Variants in DPH6 observed in about 807,000 individuals in gnomAD.
DPH6 encodes the protein diphthine--ammonia ligase.
DPH6 carries 33 observed loss-of-function variants against 38.2 expected under a neutral mutation model. That is an observed-to-expected ratio of 0.86 (90% CI 0.65 to 1.15). The LOEUF is 1.15. DPH6 is among the 50% of genes most tolerant of loss of function. The pLI is 0.00. For missense variants in DPH6, 325 were observed against 320.0 expected, an observed-to-expected ratio of 1.02 and a Z score of -0.12; for synonymous variants, 108 against 103.0, an observed-to-expected ratio of 1.05 and a Z score of -0.30.
chr15:35,436,552 C>T (rs1200183442), intron 5 of DPH6, among the ~76,000 whole-genome samples: 1 of 149,264 alleles, frequency 6.7e-6, no homozygotes, highest in Non-Finnish European at 1.5e-5. Flanking sequence ...TGCACTCCAG[C>T]CTGGGTGACA....
At chr15:35,327,879 A>T (rs1156639582), downstream of DPH6, among the ~76,000 whole-genome samples, 1 of 152,174 alleles carries the variant, frequency 6.6e-6, no homozygotes, top group East Asian at 1.9e-4. Context: ...CTACCTCACC[A>T]TATCAAAACT....
intron 6 of DPH6, among the ~76,000 whole-genome samples, chr15:35,388,688 T>C (rs1342379503): frequency 1.3e-5 from 2 of 152,200 alleles, no homozygotes; most frequent in Admixed American, 6.5e-5. Flanking sequence ...GGTGGTGATA[T>C]CCCCTTTGTC....
At chr15:35,178,902 G>T in the DPH6 span, among the ~76,000 whole-genome samples, 2 of 151,900 alleles carry the variant, frequency 1.3e-5, no homozygotes, top group Non-Finnish European at 2.9e-5. Flanking sequence ...TACCCAATAA[G>T]TGCTCAATAA....
intron 3 of DPH6, among the ~76,000 whole-genome samples, chr15:35,227,022 G>C (rs117769200): frequency 1.8e-4 from 28 of 152,048 alleles, no homozygotes; most frequent in Non-Finnish European, 3.7e-4. Flanking sequence ...GGTCTGCTCA[G>C]GTTTTGGATT....
intron 3 of DPH6, among the ~76,000 whole-genome samples, chr15:35,284,939 A>G (rs1242551224): frequency 6.6e-6 from 1 of 150,964 alleles, no homozygotes; most frequent in African/African-American, 2.4e-5. Flanking sequence ...CAGCCTTCCA[A>G]GTAGCTAGGA....
the DPH6 span, among the ~76,000 whole-genome samples, chr15:35,161,725 T>C: frequency 1.9e-3 from 286 of 151,994 alleles, no homozygotes; most frequent in Non-Finnish European, 3.6e-3. Context: ...ATTCTCACTC[T>C]TTCTCTCTCT....
In DPH6 at chr15:35,538,146, A is replaced by G. The variant is rs554342462; in HGVS notation, c.312+128T>C. ...GCAGTTTTTTTCTAACCAAAAAAAG[A>G]CAAAATCCTTTTAAAGAATAGTTGG... On this transcript the variant is annotated intron_variant, in intron 3 of 8. Coordinates refer to ENST00000256538, the MANE Select transcript of DPH6 (RefSeq NM_080650.4). The G allele has an allele frequency of 3.7e-6, 3 of 813,416 alleles. No individual in the cohort carries two copies. The East Asian group carries it at 8.6e-5, about 23-fold the overall frequency. The allele number at this position is 813,416 out of a possible 1,614,324, so 50.4% of individuals were successfully genotyped here. A position where few individuals can be genotyped will look rare whatever the true frequency, so the allele number is the denominator to read the frequency against.
chr15:35,471,350 C>T (rs1314372067), intron 3 of DPH6, among the ~76,000 whole-genome samples: 4 of 152,126 alleles, frequency 2.6e-5, no homozygotes, highest in Admixed American at 2.6e-4. Context: ...TACTAAAAAT[C>T]AAGCATTTTC....
the DPH6 span, among the ~76,000 whole-genome samples, chr15:35,163,077 G>A: frequency 4.6e-5 from 7 of 151,866 alleles, no homozygotes; most frequent in African/African-American, 1.5e-4. Flanking sequence ...GATCCTCGGT[G>A]AGCAGAAAGG....
chr15:35,305,335 G>C (rs535889512), intron 3 of DPH6, among the ~76,000 whole-genome samples: 1 of 150,824 alleles, frequency 6.6e-6, no homozygotes, highest in Non-Finnish European at 1.5e-5. Flanking sequence ...AATGACTAAG[G>C]TCTTAAAGAA....
chr15:35,195,352 T>C, the DPH6 span, among the ~76,000 whole-genome samples: 5 of 152,226 alleles, frequency 3.3e-5, no homozygotes, highest in Admixed American at 3.3e-4. Flanking sequence ...ATTTTGGCTA[T>C]TGCAAATAAG....
chr15:35,197,164 G>A, the DPH6 span, among the ~76,000 whole-genome samples: 301 of 152,176 alleles, frequency 2.0e-3, 1 homozygote, highest in African/African-American at 6.6e-3. Flanking sequence ...CCAAAAACTC[G>A]TATGACTGGA....
chr15:35,533,364 A>G (rs1244235007), intron 3 of DPH6, among the ~76,000 whole-genome samples: 1 of 152,188 alleles, frequency 6.6e-6, no homozygotes, highest in African/African-American at 2.4e-5. Context: ...CAACTGACTC[A>G]TGAATATGTT....
chr15:35,497,720 CA>C (rs1390374852), intron 3 of DPH6, among the ~76,000 whole-genome samples: 3 of 152,150 alleles, frequency 2.0e-5, no homozygotes, highest in African/African-American at 7.2e-5. Flanking sequence ...GGTCCAAAAT[CA>C]TAGCTAAAAG....
chr15:35,301,782 G>C (rs2052055861), intron 3 of DPH6, among the ~76,000 whole-genome samples: 1 of 152,096 alleles, frequency 6.6e-6, no homozygotes, highest in Non-Finnish European at 1.5e-5. Flanking sequence ...AGACCGGCCT[G>C]GCTAACATGG....
chr15:35,216,649 C>T (rs1217410309), downstream of DPH6, among the ~76,000 whole-genome samples: 1 of 152,094 alleles, frequency 6.6e-6, no homozygotes, highest in Non-Finnish European at 1.5e-5. Context: ...TTACCAAGTG[C>T]CTATATGTGC....
At chr15:35,239,159 A>G (rs1259586227) in intron 3 of DPH6, among the ~76,000 whole-genome samples, 2 of 143,902 alleles carry the variant, frequency 1.4e-5, no homozygotes, top group African/African-American at 5.0e-5. Flanking sequence ...CTACGACCTC[A>G]GGTCCTCAGA....
At chr15:35,240,414 T>A (rs538871063) in intron 3 of DPH6, among the ~76,000 whole-genome samples, 1 of 142,204 alleles carries the variant, frequency 7.0e-6, no homozygotes, top group African/African-American at 2.5e-5. Flanking sequence ...TGAGTCTTTC[T>A]AATCTTCCTT....
chr15:35,510,819 CA>C (rs2054759421), intron 3 of DPH6, among the ~76,000 whole-genome samples: 3 of 152,162 alleles, frequency 2.0e-5, no homozygotes, highest in Admixed American at 2.0e-4. Context: ...CCCAAACTCA[CA>C]AATCTTTTAA....
Sources: gnomAD v4.1 joint callset for allele counts (sites outside exome capture counted in the v4.1 genomes callset) on GRCh38, gnomAD v4.1.1 for gene constraint, MANE v1.5 for transcripts, NCBI Gene and HGNC (gene_info 2026-07-23, HGNC 2026-07-21) for gene names.